The following STK40 variants were observed in gnomAD, a reference collection of about 807,000 sequenced individuals.
The protein encoded by STK40 is serine/threonine-protein kinase 40.
In STK40, 13 loss-of-function variants were observed where a neutral mutation model predicts 47.9. The observed-to-expected ratio is 0.27, with a 90% confidence interval of 0.18 to 0.43. STK40 has a LOEUF of 0.43. STK40 is among the 20% of genes least tolerant of loss of function. The pLI, the probability that STK40 is intolerant of heterozygous loss-of-function variation, is 1.00. For missense variants in STK40, 460 were observed against 595.1 expected, an observed-to-expected ratio of 0.77 and a Z score of 2.36; for synonymous variants, 225 against 243.2, an observed-to-expected ratio of 0.93 and a Z score of 0.69.
intron 7 of STK40, among the ~76,000 whole-genome samples, chr1:36,345,991 A>ATATTTTTTTT: frequency 3.4e-4 from 9 of 26,466 alleles, no homozygotes; most frequent in Non-Finnish European, 5.5e-4. Context: ...ATATATATAT[A>ATATTTTTTTT]TTTTTTTTTT....
intron 7 of STK40, among the ~76,000 whole-genome samples, chr1:36,344,668 G>A (rs1025226446): frequency 2.0e-5 from 3 of 152,144 alleles, no homozygotes; most frequent in Non-Finnish European, 4.4e-5. Context: ...TTCACAGCCC[G>A]GATGACTACT....
Position 36,352,926 on chromosome 1 carries a change from C to T in STK40, c.623+1438G>A, listed in dbSNP as rs576435791. 4.6e-5 allele frequency among the ~76,000 whole-genome samples: 7 copies of T among 152,366 alleles called. No homozygotes were observed. The South Asian group carries it at 1.2e-3, about 27-fold the overall frequency. ...GCTTAGCAGCTGAGGTGCACAGCAT[C>T]GTCCCGATGGCCTCTCAGGCTGGAG... On this transcript the variant is annotated intron_variant, in intron 6 of 10. Coordinates refer to ENST00000373132, the MANE Select transcript of STK40 (RefSeq NM_001282547.2).
intron 4 of STK40, 77 bp from the exon 5 acceptor site, chr1:36,355,510 G>C: frequency 1.4e-6 from 2 of 1,454,368 alleles, no homozygotes; most frequent in Non-Finnish European, 1.9e-6. Context: ...ACTCTCCTCT[G>C]GAGTGGGACA....
chr1:36,378,324 C>T (rs955722659), intron 1 of STK40, among the ~76,000 whole-genome samples: 14 of 152,206 alleles, frequency 9.2e-5, no homozygotes, highest in African/African-American at 3.4e-4. Flanking sequence ...TCTGCCCTTA[C>T]TGGCTGTGTA....
Position 36,341,818 on chromosome 1 carries a change from G to A in STK40, c.1245C>T (p.His415=), listed in dbSNP as rs557283950. 2.2e-5 allele frequency: 36 copies of A among 1,613,378 alleles called. No individual in the cohort carries two copies. Among genetic ancestry groups the A allele is most frequent in the African/African-American group, 8.0e-5 (6 of 75,048 alleles). The change falls in exon 11 of 11, where the codon CAC becomes CAT. Residue 415 remains histidine, a synonymous_variant. Transcript: ENST00000373132. ...GSAPPVRRLG[H]DAQPMTSLDT... is the part of the protein sequence containing the mutation. ...CCAAGGAGGTCATGGGCTGTGCGTC[G>A]TGGCCCAGCCGTCGCACCGGTGGTG... is the stretch of plus-strand genomic sequence containing the variant.
chr1:36,363,918 A>G (rs1195443344), intron 1 of STK40, among the ~76,000 whole-genome samples: 7 of 151,588 alleles, frequency 4.6e-5, no homozygotes, highest in Admixed American at 1.3e-4. Flanking sequence ...TTGGGAGGCC[A>G]AGGAGGGAAG....
At chr1:36,365,809 T>C (rs1387554331) in intron 1 of STK40, among the ~76,000 whole-genome samples, 2 of 152,258 alleles carry the variant, frequency 1.3e-5, no homozygotes, top group Non-Finnish European at 2.9e-5. Flanking sequence ...TTTGTAACTA[T>C]GTATTTATTT....
At chr1:36,349,416 C>G (rs1218583677) in intron 6 of STK40, among the ~76,000 whole-genome samples, 2 of 152,196 alleles carry the variant, frequency 1.3e-5, no homozygotes, top group African/African-American at 4.8e-5. Flanking sequence ...AACAAAGGCA[C>G]AGGGAAGTGA....
chr1:36,378,608 G>A (rs535274158), intron 1 of STK40, among the ~76,000 whole-genome samples: 2 of 152,102 alleles, frequency 1.3e-5, no homozygotes, highest in African/African-American at 4.8e-5. Flanking sequence ...ACAGCCGTGC[G>A]CCACCACGCC....
At chr1:36,354,296 G>A (rs1646783393) in intron 6 of STK40, 68 bp downstream of exon 6, 2 of 1,550,018 alleles carry the variant, frequency 1.3e-6, no homozygotes, top group Non-Finnish European at 1.8e-6. Context: ...CAGGGCACTG[G>A]AGAGTTGCAA....
chr1:36,358,349 T>G lies in STK40; in HGVS notation c.232A>C (p.Ile78Leu), dbSNP rs1312984649. The change falls in exon 4 of 11, where the codon ATA becomes CTA. Residue 78 changes from isoleucine (I) to leucine (L), a missense_variant. Coordinates refer to ENST00000373132, the MANE Select transcript of STK40 (RefSeq NM_001282547.2). ...LTLEERGDQG[I>L]ESQEERQGKM... ...CCCTGCCGCTCTTCCTGGCTCTCTA[T>G]GCCTTGGTCCCCCCTCTCCTCCAGG... The G allele has an allele frequency of 6.2e-7, 1 of 1,608,054 alleles. No individual in the cohort carries two copies. The highest frequency in any genetic ancestry group is 1.7e-5 in the Admixed American group (1 of 59,932).
At chr1:36,347,239 C>T (rs1043776483) in intron 7 of STK40, among the ~76,000 whole-genome samples, 43 of 152,164 alleles carry the variant, frequency 2.8e-4, no homozygotes, top group Non-Finnish European at 2.5e-4. Context: ...ACGGAAAGGG[C>T]GCACTCATGT....
At chr1:36,370,081 G>C (rs1646932550) in intron 1 of STK40, among the ~76,000 whole-genome samples, 1 of 152,244 alleles carries the variant, frequency 6.6e-6, no homozygotes, top group African/African-American at 2.4e-5. Context: ...TGGATAGTCT[G>C]TCCAGGAAAA....
chr1:36,379,140 A>G (rs1457850389), intron 1 of STK40, among the ~76,000 whole-genome samples: 3 of 152,204 alleles, frequency 2.0e-5, no homozygotes, highest in Non-Finnish European at 4.4e-5. Context: ...GGACCCTTGC[A>G]TCCAGACTTC....
At chr1:36,371,516 A>G (rs1306418238) in intron 1 of STK40, among the ~76,000 whole-genome samples, 1 of 151,254 alleles carries the variant, frequency 6.6e-6, no homozygotes, top group Non-Finnish European at 1.5e-5. Context: ...ATCAGATTGC[A>G]CCACTGCACT....
Position 36,341,584 on chromosome 1 carries a change from G to C in STK40, c.*171C>G. 1 of 685,436 alleles carries C rather than the reference G, an allele frequency of 1.5e-6. No homozygotes were observed. The allele number at this position is 685,436 out of a possible 1,614,324, so 42.5% of individuals were successfully genotyped here. A position where few individuals can be genotyped will look rare whatever the true frequency, so the allele number is the denominator to read the frequency against. ...AATCGAGCAATCATCCCAAAAGGTA[G>C]CTTCGTGGTACCTCTGCTGACCCCA... On this transcript the variant is annotated 3_prime_UTR_variant, in exon 11 of 11. Coordinates refer to ENST00000373132, the MANE Select transcript of STK40 (RefSeq NM_001282547.2).
chr1:36,376,022 C>CAAA (rs1317801280), intron 1 of STK40, among the ~76,000 whole-genome samples: 2 of 129,054 alleles, frequency 1.5e-5, no homozygotes, highest in Non-Finnish European at 3.3e-5. Context: ...AACTCCATCT[C>CAAA]AAAAAAAAAA....
Position 36,361,262 on chromosome 1 carries a change from A to T in STK40, c.71T>A (p.Ile24Asn). ...SARAKALGSG[I>N]SGNNAKRAGP... ...AGCTCTCTTTGCATTATTTCCAGAA[A>T]TCCCACTTCCTAGAGCCTTGGCCCT... is the stretch of plus-strand genomic sequence containing the variant. The change falls in exon 2 of 11, where the codon ATT (isoleucine) becomes AAT (asparagine). Residue 24 changes from isoleucine to asparagine, a missense_variant. Around this residue, in one of 3 missense-constraint regions of STK40, gnomAD observed 277 missense variants for 358.7 expected, o/e 0.77. Transcript: ENST00000373132. 1 of 1,614,158 alleles carries T rather than the reference A, an allele frequency of 6.2e-7. No homozygotes were observed. Among genetic ancestry groups the T allele is most frequent in the Non-Finnish European group, 8.5e-7 (1 of 1,180,038 alleles).
At chr1:36,376,069 A>G (rs1255204839) in intron 1 of STK40, among the ~76,000 whole-genome samples, 1 of 152,080 alleles carries the variant, frequency 6.6e-6, no homozygotes, top group Non-Finnish European at 1.5e-5. Context: ...AATACAATTC[A>G]CTTTCTGAAG....
Sources: gnomAD v4.1 joint callset for allele counts (sites outside exome capture counted in the v4.1 genomes callset) on GRCh38, gnomAD v4.1.1 for gene constraint, gnomAD v4.1.1 regional missense constraint, MANE v1.5 for transcripts, NCBI Gene and HGNC (gene_info 2026-07-23, HGNC 2026-07-21) for gene names.